CSRNP3: variants seen among roughly 807,000 people sequenced by gnomAD.
CSRNP3 encodes cysteine/serine-rich nuclear protein 3.
Under a neutral mutation model 48.0 loss-of-function variants are expected in CSRNP3, and 12 were observed. That is an observed-to-expected ratio of 0.25 (90% CI 0.16 to 0.41). The LOEUF (loss-of-function observed/expected upper bound fraction) is 0.41. Among genes scored for constraint, CSRNP3 ranks in the 10% least tolerant of loss-of-function variants. The probability of loss-of-function intolerance (pLI) is 1.00; values close to 1 mark genes in which losing one functional copy is unlikely to be tolerated. For missense variants in CSRNP3, 580 were observed against 724.4 expected (o/e 0.80, Z 2.29); for synonymous variants, 263 against 269.7 (o/e 0.98, Z 0.24).
intron 4 of CSRNP3, among the ~76,000 whole-genome samples, chr2:165,655,061 T>C (rs1023701966): frequency 4.6e-5 from 7 of 152,202 alleles, no homozygotes; most frequent in Admixed American, 1.3e-4. Flanking sequence ...ATATTTGGCT[T>C]GAATGTTTCA....
rs749470656 is a variant in CSRNP3 at position 165,678,967 on chromosome 2, G to C, written c.972G>C (p.Gln324His). ...GTTTTGAGATTGAAACTGAGCCCCA[G>C]GCTGCAGTGCTGCACCTGCAGTCGG... Reference protein sequence around the residue: ...ADSFEIETEPQAAVLHLQSAE... With the variant: ...ADSFEIETEPHAAVLHLQSAE... Residue 324 changes from glutamine to histidine, a missense_variant, in exon 7 of 7, where the codon CAG becomes CAC. This residue lies in a region of CSRNP3 where 369 missense variants were observed against 380.8 expected (regional missense o/e 0.97). Transcript: ENST00000651982. 16 of 1,613,900 alleles carry C rather than the reference G, an allele frequency of 9.9e-6. No homozygotes were observed. In the South Asian group the frequency reaches 1.1e-4, roughly 11 times the overall value.
chr2:165,502,409 A>G (rs2105466204), intron 2 of CSRNP3, among the ~76,000 whole-genome samples: 1 of 152,102 alleles, frequency 6.6e-6, no homozygotes, highest in South Asian at 2.1e-4. Context: ...ATATTTTCAC[A>G]ATTTGTATTT....
At chr2:165,562,239 G>C (rs930097770) in intron 3 of CSRNP3, among the ~76,000 whole-genome samples, 2 of 152,196 alleles carry the variant, frequency 1.3e-5, no homozygotes, top group African/African-American at 4.8e-5. Context: ...CAGACATGGA[G>C]AAAGGTTGAA....
chr2:165,538,674 C>T (rs1194224038), intron 3 of CSRNP3, among the ~76,000 whole-genome samples: 3 of 151,902 alleles, frequency 2.0e-5, no homozygotes, highest in Non-Finnish European at 4.4e-5. Context: ...ATAGTCATCT[C>T]CAGTAATAGA....
At chr2:165,604,799 C>CAT (rs1365459972) in intron 4 of CSRNP3, among the ~76,000 whole-genome samples, 1 of 152,170 alleles carries the variant, frequency 6.6e-6, no homozygotes, top group African/African-American at 2.4e-5. Flanking sequence ...TCACTAACAT[C>CAT]ATATAAATAC....
At position 165,536,362 on chromosome 2, in the gene CSRNP3, A is replaced by G. The variant is rs190008929; in HGVS notation, c.-24+18401A>G. ...CCAAGTGCATCTGATTATGGTTTTT[A>G]TTTCTTTCCTAAGAGTTGATCTGAC... is the stretch of plus-strand genomic sequence containing the variant. On this transcript the variant is annotated intron_variant, in intron 3 of 6. Transcript: ENST00000651982. Among the ~76,000 whole-genome samples the G allele has an allele frequency of 1.1e-4, 16 of 151,946 alleles. No individual in the cohort carries two copies. In the East Asian group the frequency reaches 3.1e-3, roughly 29 times the overall value.
chr2:165,679,024 GGAA>G lies in CSRNP3; in HGVS notation c.1035_1037del (p.Glu347del), dbSNP rs758766176. On this transcript the variant is annotated inframe_deletion, in exon 7 of 7. Transcript: ENST00000651982. ...AATTAGATTGCCAAGGAGAGGAGGAGGAAGAAGAGGAGGATGGGAGCAGCTTTT... is the reference window on the plus strand; with the variant it reads ...AATTAGATTGCCAAGGAGAGGAGGAGGAAGAGGAGGATGGGAGCAGCTTTT... 6.2e-7 allele frequency: 1 copy of G among 1,613,926 alleles called. No individual in the cohort carries two copies. Among genetic ancestry groups the G allele is most frequent in the Non-Finnish European group, 8.5e-7 (1 of 1,179,974 alleles).
At chr2:165,555,496 C>G (rs1187301727) in intron 3 of CSRNP3, among the ~76,000 whole-genome samples, 1 of 152,132 alleles carries the variant, frequency 6.6e-6, no homozygotes, top group Non-Finnish European at 1.5e-5. Context: ...TTTTCTGACC[C>G]TTTTCTCCTA....
intron 4 of CSRNP3, among the ~76,000 whole-genome samples, chr2:165,648,037 T>G (rs1406163741): frequency 6.6e-6 from 1 of 152,190 alleles, no homozygotes; most frequent in Non-Finnish European, 1.5e-5. Flanking sequence ...TGAGCAAAAT[T>G]CAGTGCCTAT....
At chr2:165,560,428 T>C (rs1227196951) in intron 3 of CSRNP3, among the ~76,000 whole-genome samples, 6 of 152,210 alleles carry the variant, frequency 3.9e-5, no homozygotes, top group Non-Finnish European at 8.8e-5. Context: ...CCACAACTTT[T>C]ATAACTATCA....
At position 165,554,143 on chromosome 2, in the gene CSRNP3, G is replaced by A. The variant is rs145629625; in HGVS notation, c.-24+36182G>A. On this transcript the variant is annotated intron_variant, in intron 3 of 6. Coordinates refer to ENST00000651982, the MANE Select transcript of CSRNP3 (RefSeq NM_001172173.2). ...CCCTCATGCATGCTACACAATCCCC[G>A]CTACTCCTCATTTTTTTAAGATGCT... Among the ~76,000 whole-genome samples the A allele has an allele frequency of 1.5e-3, 226 of 152,070 alleles. 1 individual carries two copies. Among genetic ancestry groups the A allele is most frequent in the African/African-American group, 5.2e-3 (215 of 41,478 alleles).
intron 1 of CSRNP3, among the ~76,000 whole-genome samples, chr2:165,472,808 A>C (rs1293737769): frequency 6.6e-6 from 1 of 152,132 alleles, no homozygotes; most frequent in Non-Finnish European, 1.5e-5. Flanking sequence ...CAATGTAGCA[A>C]ATAAAGCACC....
intron 4 of CSRNP3, among the ~76,000 whole-genome samples, chr2:165,617,617 A>T (rs931832580): frequency 1.3e-5 from 2 of 152,172 alleles, no homozygotes; most frequent in African/African-American, 4.8e-5. Flanking sequence ...TGGTGCATGC[A>T]GGCACTAGCA....
At chr2:165,612,889 G>GT (rs1326307623) in intron 4 of CSRNP3, among the ~76,000 whole-genome samples, 1 of 151,874 alleles carries the variant, frequency 6.6e-6, no homozygotes, top group African/African-American at 2.4e-5. Context: ...AGTAAAGTTG[G>GT]TATCTCTTCA....
intron 3 of CSRNP3, among the ~76,000 whole-genome samples, chr2:165,584,165 A>C (rs893562493): frequency 2.0e-5 from 3 of 152,164 alleles, no homozygotes; most frequent in African/African-American, 7.2e-5. Context: ...TTTTGTTCTT[A>C]AGATGTCAGG....
chr2:165,637,732 C>G (rs1230079962), intron 4 of CSRNP3, among the ~76,000 whole-genome samples: 1 of 152,150 alleles, frequency 6.6e-6, no homozygotes, highest in Admixed American at 6.5e-5. Context: ...ATTCAGAAAA[C>G]TATAGTGGAA....
rs994966463 is a variant in CSRNP3 at position 165,684,749 on chromosome 2, C to T, written c.*4996C>T. 2.6e-5 allele frequency: 4 copies of T among 151,844 alleles called. No homozygotes were observed. The highest frequency in any genetic ancestry group is 1.3e-4 in the Admixed American group (2 of 15,218). 9.4% of individuals were successfully genotyped at this position (151,844 alleles called of 1,614,324 possible). ...TTTGATTGACTTAATTGAATATCAG[C>T]AATTTTAATACCCACTAGAATTATG... On this transcript the variant is annotated 3_prime_UTR_variant, in exon 7 of 7. Transcript: ENST00000651982.
intron 3 of CSRNP3, among the ~76,000 whole-genome samples, chr2:165,542,691 A>G (rs1316668877): frequency 1.3e-5 from 2 of 152,138 alleles, no homozygotes; most frequent in South Asian, 2.1e-4. Context: ...CTTTAAATAC[A>G]TGTATGATTA....
At chr2:165,485,545 T>C (rs1254747527) in intron 1 of CSRNP3, among the ~76,000 whole-genome samples, 1 of 152,198 alleles carries the variant, frequency 6.6e-6, no homozygotes, top group African/African-American at 2.4e-5. Context: ...AAGTGAGTTT[T>C]TAAGGTGCAG....
Sources: allele counts gnomAD v4.1 joint callset (sites outside exome capture counted in the v4.1 genomes callset), GRCh38; gene constraint gnomAD v4.1.1; regional missense constraint gnomAD v4.1.1; transcripts MANE v1.5; gene names NCBI Gene and HGNC (gene_info 2026-07-23, HGNC 2026-07-21).